The following TOX variants were observed in gnomAD, a reference collection of about 807,000 sequenced individuals.
TOX encodes the protein thymocyte selection-associated high mobility group box protein TOX.
In TOX, 11 loss-of-function variants were observed where a neutral mutation model predicts 53.7. The observed-to-expected ratio is 0.20, with a 90% CI of 0.13 to 0.34. The LOEUF is 0.34. Among genes scored for constraint, TOX ranks in the 10% least tolerant of loss-of-function variants. The pLI, the probability that TOX is intolerant of heterozygous loss-of-function variation, is 1.00. For synonymous variants in TOX, 225 were observed against 245.3 expected (o/e 0.92, Z 0.77); for missense variants, 570 against 664.6 (o/e 0.86, Z 1.56).
intron 1 of TOX, among the ~76,000 whole-genome samples, chr8:59,104,509 C>A (rs1804862314): frequency 6.6e-6 from 1 of 152,156 alleles, no homozygotes. Context: ...AGTGTTGATA[C>A]TCTCTCTGAT....
rs1809962760 is a variant in TOX, at chr8:58,805,724, G to A, written c.*2023C>T. The A allele has an allele frequency of 6.6e-6, 1 of 152,590 alleles. No homozygotes were observed. Among genetic ancestry groups the A allele is most frequent in the Non-Finnish European group, 1.5e-5 (1 of 68,008 alleles). The allele number at this position is 152,590 out of a possible 1,614,324, so 9.5% of individuals were successfully genotyped here. A position where few individuals can be genotyped will look rare whatever the true frequency, so the allele number is the denominator to read the frequency against. On this transcript the variant is annotated 3_prime_UTR_variant, in exon 9 of 9. Transcript: ENST00000361421. Reference sequence around the variant, plus strand: ...TGGTATATTTCTAAAATACTAAACAGACAAACAATAAACTGTGAACTTAAT... The same window carrying A: ...TGGTATATTTCTAAAATACTAAACAAACAAACAATAAACTGTGAACTTAAT...
At chr8:59,089,056 T>G (rs141032005) in intron 1 of TOX, among the ~76,000 whole-genome samples, 1 of 152,294 alleles carries the variant, frequency 6.6e-6, no homozygotes, top group East Asian at 1.9e-4. Context: ...TAGTTCTCCA[T>G]GACAAATTAG....
At position 58,887,576 on chromosome 8, in the gene TOX, A is replaced by G. The variant is rs549958995; in HGVS notation, c.412-35771T>C. Reference sequence around the variant, plus strand: ...AAAGTAGTCTCTTATGAGTCCATTAATTCTCTATATAATTGTGTTTATTTT... The same window carrying G: ...AAAGTAGTCTCTTATGAGTCCATTAGTTCTCTATATAATTGTGTTTATTTT... On this transcript the variant is annotated intron_variant, in intron 3 of 8. Coordinates refer to ENST00000361421, the MANE Select transcript of TOX (RefSeq NM_014729.3). 1.4e-4 allele frequency among the ~76,000 whole-genome samples: 21 copies of G among 152,058 alleles called. 1 individual carries two copies. The highest frequency in any genetic ancestry group is 1.0e-3 in the South Asian group (5 of 4,828).
chr8:59,050,947 G>C (rs147593088), intron 1 of TOX, among the ~76,000 whole-genome samples: 1,620 of 152,202 alleles, frequency 0.011, 20 homozygotes, highest in African/African-American at 0.037. Flanking sequence ...ACATTTATGA[G>C]AGTCTATTTT....
chr8:59,061,178 A>C (rs1803977576), intron 1 of TOX, among the ~76,000 whole-genome samples: 1 of 152,246 alleles, frequency 6.6e-6, no homozygotes, highest in South Asian at 2.1e-4. Context: ...ATTGTAAACC[A>C]AATCTGTGTT....
chr8:58,831,408 C>T (rs1431401856), intron 5 of TOX, among the ~76,000 whole-genome samples: 1 of 152,142 alleles, frequency 6.6e-6, no homozygotes, highest in Non-Finnish European at 1.5e-5. Context: ...CCATTGTGTG[C>T]ATTTTGCGGA....
intron 1 of TOX, among the ~76,000 whole-genome samples, chr8:59,071,126 T>C (rs1244770185): frequency 1.3e-5 from 2 of 152,190 alleles, no homozygotes; most frequent in African/African-American, 4.8e-5. Context: ...CTCGCAGACA[T>C]GGGGCGGGTA....
At chr8:58,932,953 AC>A (rs113478224) in intron 3 of TOX, among the ~76,000 whole-genome samples, 2 of 152,112 alleles carry the variant, frequency 1.3e-5, no homozygotes, top group African/African-American at 4.8e-5. Flanking sequence ...TGGGAAATAA[AC>A]CCCCCAATTT....
At chr8:58,940,312 T>C (rs1812415854) in intron 2 of TOX, among the ~76,000 whole-genome samples, 1 of 151,592 alleles carries the variant, frequency 6.6e-6, no homozygotes, top group South Asian at 2.1e-4. Context: ...AAGCCAGCAG[T>C]AAAATAAATA....
intron 1 of TOX, among the ~76,000 whole-genome samples, chr8:59,027,820 A>G (rs1814273938): frequency 1.3e-5 from 2 of 152,120 alleles, no homozygotes; most frequent in Non-Finnish European, 2.9e-5. Flanking sequence ...ATGAATATAG[A>G]CTTCTATATA....
intron 1 of TOX, among the ~76,000 whole-genome samples, chr8:59,079,259 C>T (rs78098537): frequency 0.02 from 2,990 of 152,200 alleles, 74 homozygotes; most frequent in African/African-American, 0.068. Context: ...TTTAGTTATG[C>T]AAATATAGCA....
chr8:59,015,571 C>T (rs115041654), intron 1 of TOX, among the ~76,000 whole-genome samples: 1,970 of 152,054 alleles, frequency 0.013, 59 homozygotes, highest in African/African-American at 0.045. Flanking sequence ...TTTGCAATTT[C>T]GTAATTACGA....
rs1269575899 is a variant in TOX, at chr8:59,118,164, C to T, written c.102+722G>A. Among the ~76,000 whole-genome samples the T allele has an allele frequency of 1.3e-5, 2 of 152,208 alleles. No individual in the cohort carries two copies. Among genetic ancestry groups the T allele is most frequent in the African/African-American group, 2.4e-5 (1 of 41,466 alleles). On this transcript the variant is annotated intron_variant, in intron 1 of 8. Transcript: ENST00000361421. The surrounding 1 kb of genome is among the most constrained non-coding windows in gnomAD (Gnocchi z 4.1). Reference sequence around the variant, plus strand: ...CAGCTCAGCCGCGGACCCTGCTCCGCGAGTGCGGGAGCTTTGGACTTGAAC... The same window carrying T: ...CAGCTCAGCCGCGGACCCTGCTCCGTGAGTGCGGGAGCTTTGGACTTGAAC...
chr8:58,893,634 A>G (rs1811595127), intron 3 of TOX, among the ~76,000 whole-genome samples: 1 of 152,200 alleles, frequency 6.6e-6, no homozygotes, highest in Admixed American at 6.5e-5. Context: ...CTCTTCTCGC[A>G]TGTGGAGTTC....
intron 3 of TOX, among the ~76,000 whole-genome samples, chr8:58,923,358 G>T (rs1005795545): frequency 1.3e-5 from 2 of 152,136 alleles, no homozygotes; most frequent in East Asian, 1.9e-4. Context: ...GACTTGCTCA[G>T]TTTGGGTAAG....
intron 3 of TOX, among the ~76,000 whole-genome samples, chr8:58,855,971 T>C (rs1585862649): frequency 6.6e-6 from 1 of 152,234 alleles, no homozygotes; most frequent in Admixed American, 6.5e-5. Context: ...CCCAGTACTT[T>C]TACTTATTGA....
At chr8:59,044,053 G>C (rs2129420907) in intron 1 of TOX, among the ~76,000 whole-genome samples, 1 of 152,046 alleles carries the variant, frequency 6.6e-6, no homozygotes, top group South Asian at 2.1e-4. Flanking sequence ...TCTGTATATA[G>C]CTATTTCTCT....
chr8:58,816,435 C>T (rs1810179856), intron 6 of TOX, among the ~76,000 whole-genome samples: 1 of 152,160 alleles, frequency 6.6e-6, no homozygotes, highest in African/African-American at 2.4e-5. Flanking sequence ...TCCGCACCTT[C>T]ATATGATCAT....
chr8:58,985,079 ATATGT>A (rs948547153), intron 1 of TOX, among the ~76,000 whole-genome samples: 58 of 149,424 alleles, frequency 3.9e-4, no homozygotes, highest in Middle Eastern at 3.6e-3. Flanking sequence ...TTCTATCTAT[ATATGT>A]TATAACTATC....
Sources: gnomAD v4.1 joint callset for allele counts (sites outside exome capture counted in the v4.1 genomes callset) on GRCh38, gnomAD v4.1.1 for gene constraint, Gnocchi (gnomAD v3.1) non-coding constraint, MANE v1.5 for transcripts, NCBI Gene and HGNC (gene_info 2026-07-23, HGNC 2026-07-21) for gene names.